Variants in ADAM18 observed in about 807,000 individuals in gnomAD.
ADAM18 encodes the protein ADAM metallopeptidase domain 18, also known as disintegrin and metalloproteinase domain-containing protein 18.
Under a neutral mutation model 94.4 loss-of-function variants are expected in ADAM18, and 117 were observed. The observed-to-expected ratio is 1.24, with a 90% CI of 1.07 to 1.45. The LOEUF is 1.45. Among genes scored for constraint, ADAM18 ranks in the 40% most tolerant of loss-of-function variants. The pLI is 0.00. For synonymous variants in ADAM18, 327 were observed against 291.6 expected (o/e 1.12, Z -1.24); for missense variants, 936 against 880.0 (o/e 1.06, Z -0.81).
chr8:39,717,716 G>A (rs763958862), intron 18 of ADAM18, among the ~76,000 whole-genome samples: 12 of 151,556 alleles, frequency 7.9e-5, no homozygotes, highest in Non-Finnish European at 1.5e-4. Context: ...TTCATTGTGG[G>A]ACTATATCAA....
chr8:39,623,155 C>T (rs767126905), intron 6 of ADAM18, among the ~76,000 whole-genome samples: 1 of 152,158 alleles, frequency 6.6e-6, no homozygotes, highest in African/African-American at 2.4e-5. Flanking sequence ...AGAATAATGG[C>T]CTCCTCCATT....
At chr8:39,704,843 T>C (rs1822194183) in intron 17 of ADAM18, among the ~76,000 whole-genome samples, 1 of 152,150 alleles carries the variant, frequency 6.6e-6, no homozygotes, top group Non-Finnish European at 1.5e-5. Context: ...TGTGTTTTAA[T>C]TATGTTACAG....
Position 39,585,398 on chromosome 8 carries a change from A to AT in ADAM18, c.132+51dup, listed in dbSNP as rs1214124836. 4 of 1,351,356 alleles carry AT rather than the reference A, an allele frequency of 3.0e-6. No individual in the cohort carries two copies. The South Asian group carries it at 4.9e-5, about 17-fold the overall frequency. 83.7% of individuals were successfully genotyped at this position (1,351,356 alleles called of 1,614,324 possible). The stretch of plus-strand genomic sequence containing the variant: ...ATTCTATATTTAAAGCTTTATGGCA[A>AT]TTTTTATTTACCCTTATATTAAGTC... On this transcript the variant is annotated intron_variant, in intron 2 of 19. Coordinates refer to ENST00000265707, the MANE Select transcript of ADAM18 (RefSeq NM_014237.3).
At chr8:39,627,953 T>C (rs913022303) in intron 6 of ADAM18, among the ~76,000 whole-genome samples, 6 of 152,088 alleles carry the variant, frequency 3.9e-5, no homozygotes, top group Admixed American at 6.6e-5. Flanking sequence ...AAAAAGACTT[T>C]ACTTATCCTT....
At chr8:39,616,684 G>A (rs1278875167) in intron 6 of ADAM18, among the ~76,000 whole-genome samples, 6 of 152,140 alleles carry the variant, frequency 3.9e-5, no homozygotes, top group Non-Finnish European at 8.8e-5. Flanking sequence ...TAGACCAAAT[G>A]GAACAGGTTA....
At chr8:39,684,249 T>C (rs116297466) in intron 16 of ADAM18, among the ~76,000 whole-genome samples, 2,827 of 152,240 alleles carry the variant, frequency 0.019, 82 homozygotes, top group African/African-American at 0.064. Context: ...ATAAGCTATT[T>C]ATAACTTCCA....
chr8:39,692,694 GTA>G lies in ADAM18; in HGVS notation c.1902+16_1902+17del, dbSNP rs1477922694. On this transcript the variant is annotated intron_variant, in intron 17 of 19. Coordinates refer to ENST00000265707, the MANE Select transcript of ADAM18 (RefSeq NM_014237.3). Reference sequence around the variant, plus strand: ...AAAGGGAAAGGGGTAAGTCACTTTTGTATCTGAATTGCATGTTATTCTTGTGG... The same window carrying G: ...AAAGGGAAAGGGGTAAGTCACTTTTGTCTGAATTGCATGTTATTCTTGTGG... 1 of 1,571,772 alleles carries G rather than the reference GTA, an allele frequency of 6.4e-7. No homozygotes were observed. The highest frequency in any genetic ancestry group is 2.3e-5 in the East Asian group (1 of 44,052).
chr8:39,709,185 C>A (rs1214119783), intron 18 of ADAM18, among the ~76,000 whole-genome samples: 1 of 152,080 alleles, frequency 6.6e-6, no homozygotes, highest in African/African-American at 2.4e-5. Flanking sequence ...ATGAAAGTGG[C>A]TCTCAGTGGG....
rs776762461 is a variant in ADAM18, at chr8:39,637,642, T to C, written c.766T>C (p.Phe256Leu). 6.2e-7 allele frequency: 1 copy of C among 1,612,632 alleles called. No homozygotes were observed. The highest frequency in any genetic ancestry group is 8.5e-7 in the Non-Finnish European group (1 of 1,179,176). The change falls in exon 9 of 20, where the codon TTT becomes CTT. Residue 256 changes from phenylalanine to leucine, a missense_variant. Transcript: ENST00000265707. ...SGDADDILQR[F>L]LAWKRDYLIL... ...GGATGCTGATGATATATTACAAAGA[T>C]TTTTGGCATGGAAACGGGACTATCT...
intron 18 of ADAM18, among the ~76,000 whole-genome samples, chr8:39,719,353 C>T (rs6474168): frequency 6.6e-6 from 1 of 151,100 alleles, no homozygotes; most frequent in Non-Finnish European, 1.5e-5. Context: ...TGATTACAGA[C>T]CAAAATTTAA....
intron 16 of ADAM18, among the ~76,000 whole-genome samples, chr8:39,691,246 C>T (rs1450455105): frequency 6.6e-6 from 1 of 152,058 alleles, no homozygotes; most frequent in Non-Finnish European, 1.5e-5. Context: ...ATGTAATTCA[C>T]TGCACGTATA....
At chr8:39,697,642 A>G (rs764287136) in intron 17 of ADAM18, among the ~76,000 whole-genome samples, 5 of 151,510 alleles carry the variant, frequency 3.3e-5, no homozygotes, top group South Asian at 2.1e-4. Context: ...ATTCCTTTCT[A>G]TATTTCTGTG....
intron 14 of ADAM18, among the ~76,000 whole-genome samples, chr8:39,676,683 C>T (rs767838375): frequency 2.7e-4 from 41 of 152,304 alleles, no homozygotes; most frequent in Middle Eastern, 3.4e-3. Flanking sequence ...TGAGATGAAC[C>T]AGGTACCTCA....
intron 18 of ADAM18, among the ~76,000 whole-genome samples, chr8:39,713,184 TG>T (rs1822467284): frequency 6.6e-6 from 1 of 152,116 alleles, no homozygotes; most frequent in Non-Finnish European, 1.5e-5. Flanking sequence ...AAACAAGAAA[TG>T]GGGAAAGGAT....
chr8:39,673,429 A>G (rs1198507952), intron 14 of ADAM18, among the ~76,000 whole-genome samples: 1 of 152,028 alleles, frequency 6.6e-6, no homozygotes, highest in African/African-American at 2.4e-5. Context: ...TCAACTCATC[A>G]TTTACATAGG....
intron 18 of ADAM18, among the ~76,000 whole-genome samples, chr8:39,710,968 C>T (rs924923104): frequency 9.9e-5 from 15 of 152,126 alleles, no homozygotes; most frequent in African/African-American, 3.1e-4. Flanking sequence ...CTAGGCTCAG[C>T]GAAAGTCTGG....
At chr8:39,601,385 T>G (rs1428459760) in intron 2 of ADAM18, among the ~76,000 whole-genome samples, 1 of 152,164 alleles carries the variant, frequency 6.6e-6, no homozygotes, top group Non-Finnish European at 1.5e-5. Flanking sequence ...CACATTTGAG[T>G]TTTTCATGCA....
At chr8:39,629,665 C>T (rs986177750) in intron 7 of ADAM18, among the ~76,000 whole-genome samples, 7 of 151,164 alleles carry the variant, frequency 4.6e-5, no homozygotes, top group African/African-American at 1.7e-4. Context: ...TTCCTCCCTC[C>T]CTCCCTTCTT....
At chr8:39,702,992 T>C (rs541096096) in intron 17 of ADAM18, among the ~76,000 whole-genome samples, 1 of 152,330 alleles carries the variant, frequency 6.6e-6, no homozygotes, top group East Asian at 1.9e-4. Flanking sequence ...CAGTGAATTT[T>C]AAAATAGTTT....
Sources: allele counts gnomAD v4.1 joint callset (sites outside exome capture counted in the v4.1 genomes callset), GRCh38; gene constraint gnomAD v4.1.1; transcripts MANE v1.5; gene names NCBI Gene and HGNC (gene_info 2026-07-23, HGNC 2026-07-21).